Variants in ZNF140 observed in about 807,000 individuals in gnomAD.
ZNF140 encodes zinc finger protein 140, also known as zinc finger protein 140 (clone pHZ-39).
ZNF140 carries 13 observed loss-of-function variants against 12.9 expected under a neutral mutation model. The ratio of observed to expected loss-of-function variants is 1.01; its 90% CI spans 0.66 to 1.60. The LOEUF (loss-of-function observed/expected upper bound fraction) is 1.60. ZNF140 is among the 40% of genes most tolerant of loss of function. The pLI, the probability that ZNF140 is intolerant of heterozygous loss-of-function variation, is 0.00. For missense variants in ZNF140, 531 were observed against 548.8 expected (o/e 0.97, Z 0.32); for synonymous variants, 214 against 186.7 (o/e 1.15, Z -1.19).
chr12:133,091,832 T>C (rs2137522845), intron 4 of ZNF140, among the ~76,000 whole-genome samples: 1 of 151,270 alleles, frequency 6.6e-6, no homozygotes, highest in East Asian at 1.9e-4. Context: ...AATTTGGAAA[T>C]ATCTAAAGTA....
At chr12:133,086,663 A>G (rs1346243574) in intron 4 of ZNF140, among the ~76,000 whole-genome samples, 4 of 152,104 alleles carry the variant, frequency 2.6e-5, no homozygotes, top group African/African-American at 9.7e-5. Flanking sequence ...AGATGTATCA[A>G]TCTTTTCTTT....
chr12:133,098,798 G>A (rs1025253553), intron 4 of ZNF140, among the ~76,000 whole-genome samples: 4 of 151,898 alleles, frequency 2.6e-5, no homozygotes, highest in East Asian at 3.9e-4. Flanking sequence ...TCTGCCTCCC[G>A]GGTCCAAGCG....
At chr12:133,094,785 C>G (rs74513506) in intron 4 of ZNF140, among the ~76,000 whole-genome samples, 2 of 151,218 alleles carry the variant, frequency 1.3e-5, no homozygotes, top group African/African-American at 4.9e-5. Flanking sequence ...AGCACTCACT[C>G]GGCTGAGGAG....
intron 4 of ZNF140, among the ~76,000 whole-genome samples, chr12:133,096,089 C>T (rs912898117): frequency 3.7e-4 from 56 of 151,618 alleles, no homozygotes; most frequent in Middle Eastern, 6.8e-3. Context: ...TCTCATCCCA[C>T]GAGGCCATAT....
chr12:133,093,217 G>A (rs1954951934), intron 4 of ZNF140, among the ~76,000 whole-genome samples: 1 of 151,160 alleles, frequency 6.6e-6, no homozygotes, highest in Non-Finnish European at 1.5e-5. Flanking sequence ...CCCATGCACT[G>A]TTATTAACGT....
At chr12:133,096,035 C>T (rs1269819466) in intron 4 of ZNF140, among the ~76,000 whole-genome samples, 2 of 151,104 alleles carry the variant, frequency 1.3e-5, no homozygotes, top group African/African-American at 4.8e-5. Context: ...TCCACCTCAG[C>T]ACAGACCCTT....
intron 4 of ZNF140, among the ~76,000 whole-genome samples, chr12:133,104,570 C>G (rs754636113): frequency 1.3e-5 from 2 of 152,086 alleles, no homozygotes; most frequent in African/African-American, 2.4e-5. Flanking sequence ...CCAGGCTGGT[C>G]TCGATCTCCT....
chr12:133,091,679 A>T (rs1954896834), intron 4 of ZNF140, among the ~76,000 whole-genome samples: 1 of 150,846 alleles, frequency 6.6e-6, no homozygotes, highest in Non-Finnish European at 1.5e-5. Context: ...ATTAATACAA[A>T]ATTTGTAATA....
At chr12:133,099,404 T>G (rs1352716871) in intron 4 of ZNF140, among the ~76,000 whole-genome samples, 1 of 152,054 alleles carries the variant, frequency 6.6e-6, no homozygotes, top group Admixed American at 6.5e-5. Context: ...CTCAAACTCC[T>G]GACCTCAGGT....
rs961602351 is a variant in ZNF140, at chr12:133,105,753, G to A, written c.476G>A (p.Arg159Lys). The change falls in exon 5 of 5, where the codon AGG becomes AAG. Residue 159 changes from arginine (R) to lysine (K), a missense_variant. Transcript: ENST00000355557. The part of the protein sequence containing the change: ...AQHMNISTVE[R>K]PYGCHECGKT... ...CATATGAATATCAGTACTGTGGAGA[G>A]GCCCTATGGATGCCATGAATGTGGA... 1 of 1,614,198 alleles carries A rather than the reference G, an allele frequency of 6.2e-7. No homozygotes were observed. The highest frequency in any genetic ancestry group is 8.5e-7 in the Non-Finnish European group (1 of 1,180,038).
At chr12:133,084,701 A>AAAGGAG (rs1954618103) in intron 4 of ZNF140, among the ~76,000 whole-genome samples, 1 of 152,216 alleles carries the variant, frequency 6.6e-6, no homozygotes, top group African/African-American at 2.4e-5. Context: ...TTTAGAGAGA[A>AAAGGAG]AAGGAGGAAT....
chr12:133,087,599 C>T (rs1332007306), intron 4 of ZNF140, among the ~76,000 whole-genome samples: 2 of 151,698 alleles, frequency 1.3e-5, no homozygotes, highest in African/African-American at 4.8e-5. Context: ...ATAAACTCCA[C>T]TGCATTCAGA....
intron 2 of ZNF140, 52 bp downstream of exon 2, chr12:133,081,381 T>C: frequency 7.8e-6 from 1 of 128,580 alleles, no homozygotes; most frequent in East Asian, 1.2e-4. Flanking sequence ...AAATTTTTAT[T>C]TTTTTTTTAA....
rs1593734785 is a variant in ZNF140 at position 133,081,371 on chromosome 12, A to ATATATATATATATATATATATATAT, written c.9+42_9+43insTATATATATATATATATATATATAT. The ATATATATATATATATATATATATAT allele has an allele frequency of 1.1e-3, 277 of 251,534 alleles. 4 individuals are homozygous for ATATATATATATATATATATATATAT. The highest frequency in any genetic ancestry group is 2.7e-3 in the Middle Eastern group (2 of 728). The allele number at this position is 251,534 out of a possible 1,614,324, so 15.6% of individuals were successfully genotyped here. A position where few individuals can be genotyped will look rare whatever the true frequency, so the allele number is the denominator to read the frequency against. On this transcript the variant is annotated intron_variant, in intron 2 of 4. Transcript: ENST00000355557. ...TAAATATATATATATATATATATAT[A>ATATATATATATATATATATATATAT]AATTTTTATTTTTTTTTTAAGAGAG...
At chr12:133,090,694 C>G (rs373095153) in intron 4 of ZNF140, among the ~76,000 whole-genome samples, 191 of 149,484 alleles carry the variant, frequency 1.3e-3, no homozygotes, top group African/African-American at 4.4e-3. Flanking sequence ...CAGCACCGGC[C>G]TCTGAGTTCC....
intron 4 of ZNF140, among the ~76,000 whole-genome samples, chr12:133,095,828 C>T (rs1044644837): frequency 2.0e-5 from 3 of 152,014 alleles, no homozygotes; most frequent in Non-Finnish European, 2.9e-5. Flanking sequence ...ACCCAAACAT[C>T]TCAGCGGAGT....
intron 4 of ZNF140, among the ~76,000 whole-genome samples, chr12:133,100,781 C>G (rs2137565710): frequency 6.6e-6 from 1 of 152,240 alleles, no homozygotes; most frequent in African/African-American, 2.4e-5. Flanking sequence ...AACACAAGCA[C>G]TACGATACTG....
chr12:133,089,016 CATTTT>C (rs1202299320), intron 4 of ZNF140, among the ~76,000 whole-genome samples: 6 of 152,124 alleles, frequency 3.9e-5, no homozygotes, highest in African/African-American at 1.4e-4. Context: ...ACTGGCCTGT[CATTTT>C]CTTTTCTTAT....
At chr12:133,095,508 T>A (rs1488391254) in intron 4 of ZNF140, among the ~76,000 whole-genome samples, 2 of 151,114 alleles carry the variant, frequency 1.3e-5, no homozygotes, top group Non-Finnish European at 2.9e-5. Context: ...CTGTGGGTAT[T>A]TCTAGTCGGG....
Sources: allele counts gnomAD v4.1 joint callset (sites outside exome capture counted in the v4.1 genomes callset), GRCh38; gene constraint gnomAD v4.1.1; transcripts MANE v1.5; gene names NCBI Gene and HGNC (gene_info 2026-07-23, HGNC 2026-07-21).